SRFBP1: variants seen among roughly 807,000 people sequenced by gnomAD.
SRFBP1 encodes serum response factor-binding protein 1.
SRFBP1 carries 47 observed loss-of-function variants against 45.5 expected under a neutral mutation model. That is an observed-to-expected ratio of 1.03 (90% CI 0.82 to 1.32). SRFBP1 has a LOEUF of 1.32. Ranked by LOEUF, SRFBP1 falls within the 40% of genes most tolerant of loss-of-function variation. The pLI, the probability that SRFBP1 is intolerant of heterozygous loss-of-function variation, is 0.00. For synonymous variants in SRFBP1, 203 were observed against 166.3 expected, an observed-to-expected ratio of 1.22 and a Z score of -1.70; for missense variants, 621 against 484.6, an observed-to-expected ratio of 1.28 and a Z score of -2.64.
At chr5:121,996,870 A>G (rs1752738683) in intron 4 of SRFBP1, among the ~76,000 whole-genome samples, 1 of 147,808 alleles carries the variant, frequency 6.8e-6, no homozygotes, top group Non-Finnish European at 1.5e-5. Context: ...TACACCAACA[A>G]CAGACAACCA....
At chr5:121,973,083 G>A (rs982898037) in intron 1 of SRFBP1, among the ~76,000 whole-genome samples, 2 of 151,804 alleles carry the variant, frequency 1.3e-5, no homozygotes, top group African/African-American at 4.8e-5. Flanking sequence ...TGTTGATAAT[G>A]TTATTTTGGC....
chr5:122,069,958 G>A, intron 2 of SRFBP1: 1 of 887,958 alleles, frequency 1.1e-6, no homozygotes, highest in Non-Finnish European at 1.9e-6. Flanking sequence ...GAAAGCTGCT[G>A]TAGTAGCAGA....
chr5:122,064,642 A>G (rs1754250947), intron 2 of SRFBP1: 2 of 152,104 alleles, frequency 1.3e-5, no homozygotes, highest in African/African-American at 4.8e-5. Context: ...ATGTAATTTT[A>G]TTCCCTAAAA....
chr5:122,046,779 G>T lies in SRFBP1; in HGVS notation n.311+24372G>T, dbSNP rs188303667. Among the ~76,000 whole-genome samples the T allele has an allele frequency of 2.0e-5, 3 of 152,308 alleles. No individual in the cohort carries two copies. In the East Asian group the frequency reaches 5.8e-4, roughly 29 times the overall value. ...TGGTATCTCATTGTGGTTTGGATTTGCACTTCTCTGATGGCCAGTGATGAT... is the reference window on the plus strand; with the variant it reads ...TGGTATCTCATTGTGGTTTGGATTTTCACTTCTCTGATGGCCAGTGATGAT... On this transcript the variant is annotated intron_variant and non_coding_transcript_variant, in intron 2 of 2. Coordinates refer to the SRFBP1 transcript ENST00000504881.
At chr5:122,046,877 A>G (rs575007925) in intron 2 of SRFBP1, among the ~76,000 whole-genome samples, 10 of 152,208 alleles carry the variant, frequency 6.6e-5, no homozygotes, top group Admixed American at 2.0e-4. Flanking sequence ...TCCTTTGCCC[A>G]CTTTTTGATG....
intron 2 of SRFBP1, among the ~76,000 whole-genome samples, chr5:122,044,123 C>T (rs752227676): frequency 3.9e-5 from 6 of 152,102 alleles, no homozygotes; most frequent in Non-Finnish European, 8.8e-5. Context: ...TTTTCTGTTC[C>T]TGTGTTAGTT....
At chr5:122,076,857 A>G (rs1381816102), downstream of SRFBP1, 3 of 1,587,892 alleles carry the variant, frequency 1.9e-6, no homozygotes, top group African/African-American at 4.0e-5. Flanking sequence ...CTGAAGGTAG[A>G]CCGGGGAGCG....
chr5:121,978,755 G>A (rs1752353521), intron 3 of SRFBP1, among the ~76,000 whole-genome samples: 1 of 152,186 alleles, frequency 6.6e-6, no homozygotes, highest in African/African-American at 2.4e-5. Flanking sequence ...GCCTCCCATA[G>A]TACTGGGATT....
chr5:122,068,186 A>AG (rs1561416174), intron 2 of SRFBP1, among the ~76,000 whole-genome samples: 1 of 151,302 alleles, frequency 6.6e-6, no homozygotes, highest in Non-Finnish European at 1.5e-5. Context: ...AAAAAAAAAA[A>AG]AAAAAAAAAA....
At chr5:122,055,072 A>G (rs1754056697) in intron 2 of SRFBP1, among the ~76,000 whole-genome samples, 1 of 152,220 alleles carries the variant, frequency 6.6e-6, no homozygotes, top group African/African-American at 2.4e-5. Context: ...TCAAAATACC[A>G]TAGACTGAGT....
chr5:121,998,889 C>T (rs1481517349), intron 4 of SRFBP1, among the ~76,000 whole-genome samples: 2 of 152,244 alleles, frequency 1.3e-5, no homozygotes, highest in African/African-American at 4.8e-5. Context: ...TTTTCTACTC[C>T]TGCTTCTTCC....
At position 122,066,858 on chromosome 5, in the gene SRFBP1, C is replaced by T. The variant is rs541406734; in HGVS notation, n.312-8457C>T. On this transcript the variant is annotated intron_variant and non_coding_transcript_variant, in intron 2 of 2. Coordinates refer to the SRFBP1 transcript ENST00000504881. ...TTTAAAAACTTTATGCAACAGTTTC[C>T]CTCCACCTAAGCAGCAATCATGTTG... 43 of 698,948 alleles carry T rather than the reference C, an allele frequency of 6.2e-5. No homozygotes were observed. The South Asian group carries it at 6.4e-4, about 10-fold the overall frequency. The allele number at this position is 698,948 out of a possible 1,614,324, so 43.3% of individuals were successfully genotyped here.
At chr5:121,986,407 G>A (rs1218569472) in intron 3 of SRFBP1, among the ~76,000 whole-genome samples, 1 of 152,004 alleles carries the variant, frequency 6.6e-6, no homozygotes, top group African/African-American at 2.4e-5. Flanking sequence ...ATTTGGAGAT[G>A]GCAAGTGTTG....
chr5:122,022,166 G>A (rs1439969171), intron 6 of SRFBP1, among the ~76,000 whole-genome samples: 1 of 152,116 alleles, frequency 6.6e-6, no homozygotes. Flanking sequence ...GTCCTCATGT[G>A]TCTGTAGTAA....
rs1245595095 is a variant in SRFBP1, at chr5:122,020,242, A to G, written c.507A>G (p.Lys169=). 1 of 1,612,774 alleles carries G rather than the reference A, an allele frequency of 6.2e-7. No individual in the cohort carries two copies. Among genetic ancestry groups the G allele is most frequent in the South Asian group, 1.1e-5 (1 of 90,584 alleles). The change falls in exon 6 of 8, where the codon AAA becomes AAG. Residue 169 remains lysine (K), a synonymous_variant. Coordinates refer to ENST00000339397, the MANE Select transcript of SRFBP1 (RefSeq NM_152546.3). ...QREATVISEQ[K]VKETKILAKK... ...AAGCAACTGTCATCAGTGAGCAAAAAGTCAAAGAAACCAAAATATTGGCGA... is the reference window on the plus strand; with the variant it reads ...AAGCAACTGTCATCAGTGAGCAAAAGGTCAAAGAAACCAAAATATTGGCGA...
intron 3 of SRFBP1, among the ~76,000 whole-genome samples, chr5:121,988,443 A>G (rs1440777007): frequency 1.3e-5 from 2 of 152,212 alleles, no homozygotes; most frequent in Non-Finnish European, 2.9e-5. Flanking sequence ...AAATCAGCAA[A>G]AGGAAGAGCA....
chr5:121,964,910 T>C (rs1752031306), intron 1 of SRFBP1, among the ~76,000 whole-genome samples: 1 of 152,344 alleles, frequency 6.6e-6, no homozygotes. Flanking sequence ...TGGTATCTCA[T>C]TGTGGTTTGG....
intron 4 of SRFBP1, among the ~76,000 whole-genome samples, chr5:122,018,811 A>G (rs1753238040): frequency 6.6e-6 from 1 of 152,244 alleles, no homozygotes. Context: ...ATAGAGCGTT[A>G]GATAATTTCT....
In SRFBP1 at chr5:121,981,568, T is replaced by A. The variant is rs564351476; in HGVS notation, c.198+6181T>A. 1.0e-3 allele frequency among the ~76,000 whole-genome samples: 153 copies of A among 151,620 alleles called. 1 individual carries two copies. Among genetic ancestry groups the A allele is most frequent in the African/African-American group, 3.7e-3 (151 of 41,366 alleles). ...TACCCTGTACCTTTTTTTTTTTTTT[T>A]TTTTTAACCAGCTAAACTGAATCCC... On this transcript the variant is annotated intron_variant, in intron 3 of 7. Transcript: ENST00000339397.
Sources: allele counts gnomAD v4.1 joint callset (sites outside exome capture counted in the v4.1 genomes callset), GRCh38; gene constraint gnomAD v4.1.1; transcripts MANE v1.5; gene names NCBI Gene and HGNC (gene_info 2026-07-23, HGNC 2026-07-21).